PRDM15: variants seen among roughly 807,000 people sequenced by gnomAD.
The protein encoded by PRDM15 is PR/SET domain 15.
A neutral mutation model predicts 128.6 loss-of-function variants in PRDM15; 64 were observed. The ratio of observed to expected loss-of-function variants is 0.50; its 90% CI spans 0.41 to 0.61. The LOEUF (loss-of-function observed/expected upper bound fraction) is 0.61. Among genes scored for constraint, PRDM15 ranks in the 20% least tolerant of loss-of-function variants. The probability of loss-of-function intolerance (pLI) is 0.00; values close to 1 mark genes in which losing one functional copy is unlikely to be tolerated. For missense variants in PRDM15, 1,242 were observed against 1,569.1 expected, an observed-to-expected ratio of 0.79 and a Z score of 3.52; for synonymous variants, 615 against 621.8, an observed-to-expected ratio of 0.99 and a Z score of 0.16.
chr21:41,835,543 CGTGA>C lies in PRDM15; in HGVS notation c.1279-23_1279-20del, dbSNP rs1381294988. On this transcript the variant is annotated intron_variant, in intron 10 of 23. Coordinates refer to ENST00000398548, the MANE Select transcript of PRDM15 (RefSeq NM_001040424.3). ...CGTCCACCTGGTCAGAGGGACACGC[CGTGA>C]GTGAGATGGCCCAGCGCAGAGTCCA... is the stretch of plus-strand genomic sequence containing the variant. 1 of 1,600,382 alleles carries C rather than the reference CGTGA, an allele frequency of 6.2e-7. No individual in the cohort carries two copies. Among genetic ancestry groups the C allele is most frequent in the East Asian group, 2.2e-5 (1 of 44,684 alleles).
At chr21:41,809,806 T>C (rs2061802131) in intron 21 of PRDM15, among the ~76,000 whole-genome samples, 1 of 152,186 alleles carries the variant, frequency 6.6e-6, no homozygotes, top group Non-Finnish European at 1.5e-5. Context: ...CTCGGTGTCA[T>C]ACTTTACTTG....
chr21:41,839,493 G>C lies in PRDM15; in HGVS notation c.871+130C>G, dbSNP rs2063001248. On this transcript the variant is annotated intron_variant, in intron 7 of 23. Coordinates refer to ENST00000398548, the MANE Select transcript of PRDM15 (RefSeq NM_001040424.3). ...TGAGAGAAAAACAGACGGGCTTAGA[G>C]TCTACCTTCCACGAGGCCTTTCTAC... 6 of 708,208 alleles carry C rather than the reference G, an allele frequency of 8.5e-6. No homozygotes were observed. The South Asian group carries it at 1.0e-4, about 12-fold the overall frequency. The allele number at this position is 708,208 out of a possible 1,614,324, so 43.9% of individuals were successfully genotyped here. A position where few individuals can be genotyped will look rare whatever the true frequency, so the allele number is the denominator to read the frequency against.
intron 22 of PRDM15, 114 bp downstream of exon 22, chr21:41,804,420 C>A: frequency 1.3e-6 from 1 of 773,316 alleles, no homozygotes; most frequent in Non-Finnish European, 2.1e-6. Context: ...GGTAACCTGG[C>A]CACAGGCTTG....
intron 18 of PRDM15, 52 bp downstream of exon 18, chr21:41,819,530 C>A: frequency 1.3e-6 from 2 of 1,585,406 alleles, no homozygotes; most frequent in Admixed American, 3.4e-5. Context: ...CAGCACCCTG[C>A]AGCAGGGTGG....
intron 11 of PRDM15, among the ~76,000 whole-genome samples, chr21:41,831,493 C>A (rs2062689403): frequency 6.6e-6 from 1 of 152,222 alleles, no homozygotes; most frequent in African/African-American, 2.4e-5. Flanking sequence ...AAATGAGACT[C>A]TCTGGGGTGG....
Position 41,857,318 on chromosome 21 carries a change from G to A in PRDM15, c.143C>T (p.Pro48Leu). Reference protein sequence around the residue: ...FVLSRARSSLPPNLEIRRLED... With the variant: ...FVLSRARSSLLPNLEIRRLED... ...CAGTCGTCTGATCTCCAAGTTGGGA[G>A]GAAGGGATGACCTGGAAATGGAATA... The change falls in exon 4 of 24, where the codon CCT becomes CTT. Residue 48 changes from proline to leucine, a missense_variant. This residue lies in a region of PRDM15 where 612 missense variants were observed against 717.0 expected (regional missense o/e 0.85). Transcript: ENST00000398548. 2 of 1,613,788 alleles carry A rather than the reference G, an allele frequency of 1.2e-6. No homozygotes were observed. Among genetic ancestry groups the A allele is most frequent in the Non-Finnish European group, 1.7e-6 (2 of 1,180,014 alleles).
At chr21:41,814,682 A>G (rs1163852859) in intron 19 of PRDM15, 1 of 150,706 alleles carries the variant, frequency 6.6e-6, no homozygotes, top group Non-Finnish European at 1.4e-5. Context: ...GTTTTATGAG[A>G]ATGCCTTGTG....
intron 14 of PRDM15, 79 bp downstream of exon 14, chr21:41,823,236 TCTG>T: frequency 6.5e-7 from 1 of 1,547,782 alleles, no homozygotes; most frequent in Non-Finnish European, 8.7e-7. Flanking sequence ...CCCACAGAAC[TCTG>T]CTATGGCTGA....
In PRDM15 at chr21:41,861,458, C is replaced by T. The variant is rs567770060; in HGVS notation, c.-9-1086G>A. 6 of 991,176 alleles carry T rather than the reference C, an allele frequency of 6.1e-6. No homozygotes were observed. In the East Asian group the frequency reaches 1.5e-4, roughly 24 times the overall value. 61.4% of individuals were successfully genotyped at this position (991,176 alleles called of 1,614,324 possible). The stretch of plus-strand genomic sequence containing the variant: ...GGGCTGTAAAATGGAAATAAAAACA[C>T]CCACCTCATGCAGTTTGGGAGGAGC... On this transcript the variant is annotated intron_variant, in intron 1 of 23. Coordinates refer to ENST00000398548, the MANE Select transcript of PRDM15 (RefSeq NM_001040424.3).
intron 6 of PRDM15, 80 bp downstream of exon 6, chr21:41,847,010 C>A: frequency 1.1e-6 from 1 of 944,980 alleles, no homozygotes; most frequent in South Asian, 1.5e-5. Context: ...TCCCGACAGC[C>A]GCAGACAGGT....
Position 41,804,361 on chromosome 21 carries a change from G to A in PRDM15, c.2733+173C>T, listed in dbSNP as rs576957586. On this transcript the variant is annotated intron_variant, in intron 22 of 23. Transcript: ENST00000398548. ...CTGAGGTCACAGAAACTACAGAAAC[G>A]AGGAGATGATCTAAGAGGTTCTGAG... Among the ~76,000 whole-genome samples the A allele has an allele frequency of 7.9e-5, 12 of 152,304 alleles. No homozygotes were observed. The South Asian group carries it at 1.0e-3, about 13-fold the overall frequency.
Position 41,802,658 on chromosome 21 carries a change from C to A in PRDM15, c.2943+54G>T. Reference sequence around the variant, plus strand: ...TGGAGTCACACACACGTAAGGCTCTCATGCTTAGGGAAAGTGACCGGCACC... The same window carrying A: ...TGGAGTCACACACACGTAAGGCTCTAATGCTTAGGGAAAGTGACCGGCACC... On this transcript the variant is annotated intron_variant, in intron 23 of 23. Coordinates refer to ENST00000398548, the MANE Select transcript of PRDM15 (RefSeq NM_001040424.3). 3 of 1,456,088 alleles carry A rather than the reference C, an allele frequency of 2.1e-6. No individual in the cohort carries two copies. In the South Asian group the frequency reaches 3.4e-5, roughly 17 times the overall value. The allele number at this position is 1,456,088 out of a possible 1,614,324, so 90.2% of individuals were successfully genotyped here. A position where few individuals can be genotyped will look rare whatever the true frequency, so the allele number is the denominator to read the frequency against.
rs752181386 is a variant in PRDM15 at position 41,828,185 on chromosome 21, G to A, written c.1515C>T (p.His505=). ...MFYRKDVMLD[H]QRRHLEGVRR... ...CCTCACCTTCCAGGTGCCGGCGCTG[G>A]TGGTCCAGCATGACGTCCTTGCGGT... The change falls in exon 12 of 24, where the codon CAC becomes CAT. Residue 505 remains histidine (H), a synonymous_variant. Coordinates refer to ENST00000398548, the MANE Select transcript of PRDM15 (RefSeq NM_001040424.3). This position sits in a 1 kb window ranked among gnomAD's most constrained non-coding sequence, Gnocchi z 5.7. 6.8e-6 allele frequency: 11 copies of A among 1,613,938 alleles called. No homozygotes were observed. The highest frequency in any genetic ancestry group is 9.3e-6 in the Non-Finnish European group (11 of 1,179,944).
chr21:41,810,381 G>A lies in PRDM15; in HGVS notation c.2477-52C>T. On this transcript the variant is annotated intron_variant, in intron 20 of 23. Transcript: ENST00000398548. This position sits in a 1 kb window ranked among gnomAD's most constrained non-coding sequence, Gnocchi z 6.4. ...GCGCGTGGAAAGGAAGAGACACGCA[G>A]GTCACTAGTGCAGCCATCCCAATGA... The A allele has an allele frequency of 3.8e-6, 6 of 1,560,850 alleles. No individual in the cohort carries two copies. Among genetic ancestry groups the A allele is most frequent in the Non-Finnish European group, 5.2e-6 (6 of 1,148,050 alleles).
rs374545096 is a variant in PRDM15, at chr21:41,819,681, C to T, written c.2161G>A (p.Glu721Lys). The T allele has an allele frequency of 7.5e-6, 12 of 1,605,522 alleles. No individual in the cohort carries two copies. Among genetic ancestry groups the T allele is most frequent in the South Asian group, 3.3e-5 (3 of 90,102 alleles). Residue 721 changes from glutamate (E) to lysine (K), a missense_variant, in exon 18 of 24, where the codon GAG becomes AAG. Around this residue, in one of 3 missense-constraint regions of PRDM15, gnomAD observed 602 missense variants for 788.3 expected, o/e 0.76. Transcript: ENST00000398548. Reference protein sequence around the residue: ...IHTGVKSHACEQCGKSFARKD... With the variant: ...IHTGVKSHACKQCGKSFARKD... ...CTGGCAAAGGACTTCCCACACTGCT[C>T]GCAGGCGTGGCTCTTCACACCTGAG...
chr21:41,832,037 C>T lies in PRDM15; in HGVS notation c.1366+3400G>A, dbSNP rs149795032. On this transcript the variant is annotated intron_variant, in intron 11 of 23. Transcript: ENST00000398548. The surrounding 1 kb of genome is among the most constrained non-coding windows in gnomAD (Gnocchi z 4.2). ...TGGGCTCTGTCCGGATCCACACGAC[C>T]GCATGGTATGTGTCCTTCACACACT... 3.3e-5 allele frequency among the ~76,000 whole-genome samples: 5 copies of T among 152,328 alleles called. No homozygotes were observed. The highest frequency in any genetic ancestry group is 3.9e-4 in the East Asian group (2 of 5,184).
intron 1 of PRDM15, among the ~76,000 whole-genome samples, chr21:41,861,158 G>A (rs2063795904): frequency 1.3e-5 from 2 of 152,278 alleles, no homozygotes; most frequent in South Asian, 4.2e-4. Flanking sequence ...TAAAAAGCCG[G>A]TTGTCACTTT....
At chr21:41,837,417 G>A (rs1035748465) in intron 8 of PRDM15, among the ~76,000 whole-genome samples, 5 of 152,306 alleles carry the variant, frequency 3.3e-5, no homozygotes, top group African/African-American at 7.2e-5. Context: ...TGGATGAGCC[G>A]GGGTAGAATA....
intron 11 of PRDM15, among the ~76,000 whole-genome samples, chr21:41,833,628 A>G (rs1192963981): frequency 6.6e-6 from 1 of 152,236 alleles, no homozygotes; most frequent in Non-Finnish European, 1.5e-5. Flanking sequence ...CTTTCTGTTC[A>G]GTCTAAAACG....
Sources: allele counts gnomAD v4.1 joint callset (sites outside exome capture counted in the v4.1 genomes callset), GRCh38; gene constraint gnomAD v4.1.1; regional missense constraint gnomAD v4.1.1; non-coding constraint Gnocchi (gnomAD v3.1); transcripts MANE v1.5; gene names NCBI Gene and HGNC (gene_info 2026-07-23, HGNC 2026-07-21).